MDGA2: variants seen among roughly 807,000 people sequenced by gnomAD.
The protein encoded by MDGA2 is MAM domain-containing glycosylphosphatidylinositol anchor protein 2.
MDGA2 carries 40 observed loss-of-function variants against 117.8 expected under a neutral mutation model. The ratio of observed to expected loss-of-function variants is 0.34; its 90% confidence interval spans 0.26 to 0.44. MDGA2 has a LOEUF of 0.44. Among genes scored for constraint, MDGA2 ranks in the 20% least tolerant of loss-of-function variants. The pLI is 1.00. For synonymous variants in MDGA2, 452 were observed against 439.0 expected, an observed-to-expected ratio of 1.03 and a Z score of -0.37; for missense variants, 1,123 against 1,250.6, an observed-to-expected ratio of 0.90 and a Z score of 1.54.
intron 2 of MDGA2, among the ~76,000 whole-genome samples, chr14:47,281,181 A>G (rs1888476576): frequency 6.6e-6 from 1 of 150,854 alleles, no homozygotes; most frequent in Non-Finnish European, 1.5e-5. Flanking sequence ...ATTGTCTCAA[A>G]ATATCTTTTT....
At chr14:47,253,969 A>C (rs1474692675) in intron 2 of MDGA2, among the ~76,000 whole-genome samples, 1 of 152,214 alleles carries the variant, frequency 6.6e-6, no homozygotes, top group Non-Finnish European at 1.5e-5. Context: ...TGGGGCTTGC[A>C]CCTTCTGAAG....
At chr14:47,344,638 C>T (rs2138333304) in intron 1 of MDGA2, among the ~76,000 whole-genome samples, 1 of 151,926 alleles carries the variant, frequency 6.6e-6, no homozygotes, top group East Asian at 1.9e-4. Context: ...CCCTTGGCTC[C>T]ATGAGAGAAG....
intron 6 of MDGA2, among the ~76,000 whole-genome samples, chr14:47,076,560 ATGTG>A (rs145260703): frequency 0.11 from 15,934 of 147,112 alleles, 1,150 homozygotes; most frequent in African/African-American, 0.22. Context: ...AGTGTGTGTT[ATGTG>A]TGTGTGTGTG....
chr14:46,948,946 G>A (rs1007738506), intron 9 of MDGA2, among the ~76,000 whole-genome samples: 5 of 151,940 alleles, frequency 3.3e-5, no homozygotes, highest in Non-Finnish European at 7.4e-5. Flanking sequence ...CCTTTTTGGA[G>A]GGGCATTTTC....
chr14:46,883,577 A>G (rs1882548562), intron 10 of MDGA2, among the ~76,000 whole-genome samples: 1 of 152,058 alleles, frequency 6.6e-6, no homozygotes, highest in Non-Finnish European at 1.5e-5. Flanking sequence ...AAAGTGTATA[A>G]TAATTGGAAA....
At chr14:47,329,473 G>T (rs1046593345) in intron 1 of MDGA2, among the ~76,000 whole-genome samples, 38 of 152,192 alleles carry the variant, frequency 2.5e-4, no homozygotes, top group African/African-American at 9.1e-4. Flanking sequence ...TGCTCTGCCT[G>T]AGTTTCTCAA....
chr14:46,895,440 G>A (rs569588715), intron 10 of MDGA2, among the ~76,000 whole-genome samples: 1 of 152,176 alleles, frequency 6.6e-6, no homozygotes, highest in South Asian at 2.1e-4. Context: ...AGAATAACTA[G>A]GTTGGCCAGG....
chr14:47,220,167 G>C (rs1886246952), intron 2 of MDGA2, among the ~76,000 whole-genome samples: 1 of 152,078 alleles, frequency 6.6e-6, no homozygotes, highest in Non-Finnish European at 1.5e-5. Flanking sequence ...ATATTTCTGA[G>C]TGGTAGAAAG....
rs535455874 is a variant in MDGA2, at chr14:47,540,964, T to G, written c.280+133553A>C. Among the ~76,000 whole-genome samples, 3 of 152,278 alleles carry G rather than the reference T, an allele frequency of 2.0e-5. No individual in the cohort carries two copies. The South Asian group carries it at 6.2e-4, about 32-fold the overall frequency. ...TCTGGTTTCTTCACTATATTATATT[T>G]TATGTCCTAGATTACTGCCTGATCA... On this transcript the variant is annotated intron_variant, in intron 1 of 16. Transcript: ENST00000399232.
At chr14:47,463,932 A>G (rs1893544608) in intron 1 of MDGA2, among the ~76,000 whole-genome samples, 2 of 152,090 alleles carry the variant, frequency 1.3e-5, no homozygotes, top group Non-Finnish European at 2.9e-5. Context: ...ATTTTACTTC[A>G]TCACAGTATA....
intron 1 of MDGA2, among the ~76,000 whole-genome samples, chr14:47,628,455 G>A (rs985545943): frequency 6.6e-6 from 1 of 152,142 alleles, no homozygotes; most frequent in Non-Finnish European, 1.5e-5. Context: ...TGAATTTAAA[G>A]TCTGTTTCAT....
chr14:47,153,847 A>G (rs558319967), intron 3 of MDGA2, among the ~76,000 whole-genome samples: 1 of 152,240 alleles, frequency 6.6e-6, no homozygotes, highest in African/African-American at 2.4e-5. Flanking sequence ...GAGGTTGGAG[A>G]GCAGAATAAG....
At chr14:47,221,549 G>A (rs1187381763) in intron 2 of MDGA2, among the ~76,000 whole-genome samples, 1 of 152,002 alleles carries the variant, frequency 6.6e-6, no homozygotes, top group Non-Finnish European at 1.5e-5. Context: ...TTAGCCGGGA[G>A]TGGTGGCAGG....
chr14:46,875,586 C>G (rs1375385664), intron 12 of MDGA2, among the ~76,000 whole-genome samples: 1 of 151,606 alleles, frequency 6.6e-6, no homozygotes, highest in African/African-American at 2.4e-5. Context: ...CCAAACAAGA[C>G]ATGACCTTTT....
At chr14:47,035,858 T>C (rs1408383005) in intron 7 of MDGA2, among the ~76,000 whole-genome samples, 1 of 152,240 alleles carries the variant, frequency 6.6e-6, no homozygotes, top group African/African-American at 2.4e-5. Flanking sequence ...TTTGAATTTA[T>C]TATTATTTCA....
chr14:47,164,214 C>A (rs1440655394), intron 3 of MDGA2, among the ~76,000 whole-genome samples: 1 of 152,172 alleles, frequency 6.6e-6, no homozygotes, highest in Non-Finnish European at 1.5e-5. Flanking sequence ...CTCCCACTGG[C>A]CCTGAAAGCC....
intron 14 of MDGA2, 53 bp downstream of exon 14, chr14:46,873,380 T>C: frequency 6.8e-7 from 1 of 1,476,436 alleles, no homozygotes; most frequent in East Asian, 2.4e-5. Flanking sequence ...ATGAACCTTT[T>C]TCTTCTTAGT....
chr14:47,412,496 G>T (rs149857105), intron 1 of MDGA2, among the ~76,000 whole-genome samples: 201 of 152,064 alleles, frequency 1.3e-3, no homozygotes, highest in African/African-American at 4.3e-3. Flanking sequence ...TGCCCAGGTG[G>T]GTCTCGAAAT....
chr14:47,224,120 C>T (rs1886394570), intron 2 of MDGA2, among the ~76,000 whole-genome samples: 1 of 152,030 alleles, frequency 6.6e-6, no homozygotes, highest in Non-Finnish European at 1.5e-5. Flanking sequence ...TGTTTAAATC[C>T]TCTTACAATT....
Sources: gnomAD v4.1 joint callset for allele counts (sites outside exome capture counted in the v4.1 genomes callset) on GRCh38, gnomAD v4.1.1 for gene constraint, MANE v1.5 for transcripts, NCBI Gene and HGNC (gene_info 2026-07-23, HGNC 2026-07-21) for gene names.